The following KHDRBS3 variants were observed in gnomAD, a reference collection of about 807,000 sequenced individuals.
KHDRBS3 encodes the protein KH domain-containing, RNA-binding, signal transduction-associated protein 3.
KHDRBS3 carries 23 observed loss-of-function variants against 45.6 expected under a neutral mutation model. That is an observed-to-expected ratio of 0.50 (90% CI 0.36 to 0.72). KHDRBS3 has a LOEUF of 0.72. KHDRBS3 is among the 30% of genes least tolerant of loss of function. The probability of loss-of-function intolerance (pLI) is 0.00; values close to 1 mark genes in which losing one functional copy is unlikely to be tolerated. For synonymous variants in KHDRBS3, 162 were observed against 156.5 expected (o/e 1.04, Z -0.26); for missense variants, 352 against 424.8 (o/e 0.83, Z 1.51).
intron 1 of KHDRBS3, among the ~76,000 whole-genome samples, chr8:135,482,767 C>T (rs1217964029): frequency 1.3e-5 from 2 of 152,092 alleles, no homozygotes; most frequent in African/African-American, 4.8e-5. Context: ...GTTAGTCTAC[C>T]TCTGCAGCAC....
intron 2 of KHDRBS3, among the ~76,000 whole-genome samples, chr8:135,524,172 T>G (rs1228768545): frequency 1.3e-5 from 2 of 152,092 alleles, no homozygotes; most frequent in African/African-American, 4.8e-5. Context: ...TGCACCACCA[T>G]GCCTGGCTAA....
chr8:135,589,587 T>G (rs915044769), intron 6 of KHDRBS3, among the ~76,000 whole-genome samples: 6 of 152,220 alleles, frequency 3.9e-5, no homozygotes, highest in African/African-American at 1.4e-4. Context: ...TATTTATAGC[T>G]TTAGATCATG....
At chr8:135,643,923 T>C (rs1239240571) in intron 7 of KHDRBS3, among the ~76,000 whole-genome samples, 1 of 152,256 alleles carries the variant, frequency 6.6e-6, no homozygotes, top group Non-Finnish European at 1.5e-5. Flanking sequence ...CTCCTCAAAC[T>C]GTGACTTCCT....
At chr8:135,590,584 G>A (rs1828701289) in intron 6 of KHDRBS3, among the ~76,000 whole-genome samples, 2 of 152,134 alleles carry the variant, frequency 1.3e-5, no homozygotes, top group Admixed American at 6.5e-5. Flanking sequence ...ATAAAAAATT[G>A]TGTTTTCATC....
At chr8:135,570,415 G>A (rs530141560) in intron 5 of KHDRBS3, among the ~76,000 whole-genome samples, 11 of 152,074 alleles carry the variant, frequency 7.2e-5, no homozygotes, top group Non-Finnish European at 1.5e-4. Flanking sequence ...ATTTTATTAG[G>A]AAAACTGAAT....
chr8:135,496,241 AT>A (rs1410223292), intron 1 of KHDRBS3, among the ~76,000 whole-genome samples: 2 of 149,618 alleles, frequency 1.3e-5, no homozygotes, highest in African/African-American at 2.5e-5. Flanking sequence ...CTTCAGAAGC[AT>A]TTTTTTTTGA....
At chr8:135,580,918 C>A (rs1828175041) in intron 5 of KHDRBS3, among the ~76,000 whole-genome samples, 1 of 152,076 alleles carries the variant, frequency 6.6e-6, no homozygotes, top group African/African-American at 2.4e-5. Flanking sequence ...CGGCCAAAAC[C>A]CTCTTCATTT....
intron 2 of KHDRBS3, among the ~76,000 whole-genome samples, chr8:135,534,080 G>T (rs1001850257): frequency 1.3e-5 from 2 of 151,858 alleles, no homozygotes; most frequent in Non-Finnish European, 2.9e-5. Flanking sequence ...TCTATATCTT[G>T]TACTGTATCC....
chr8:135,586,678 A>T (rs1341940633), intron 6 of KHDRBS3, among the ~76,000 whole-genome samples: 1 of 152,196 alleles, frequency 6.6e-6, no homozygotes, highest in Non-Finnish European at 1.5e-5. Flanking sequence ...TTTCTTTGGA[A>T]CTCAGAAACG....
chr8:135,541,128 A>G (rs1358444684), intron 2 of KHDRBS3: 9 of 152,260 alleles, frequency 5.9e-5, no homozygotes, highest in African/African-American at 2.2e-4. Context: ...ATCAGTAGGT[A>G]TATAGGAAAT....
At chr8:135,492,606 C>T (rs928081437) in intron 1 of KHDRBS3, among the ~76,000 whole-genome samples, 10 of 151,016 alleles carry the variant, frequency 6.6e-5, no homozygotes, top group Non-Finnish European at 1.2e-4. Context: ...ATTGATTGAC[C>T]ATATGTGTGT....
chr8:135,653,569 G>A (rs1430856417), intron 4 of KHDRBS3, among the ~76,000 whole-genome samples: 1 of 152,214 alleles, frequency 6.6e-6, no homozygotes, highest in Non-Finnish European at 1.5e-5. Flanking sequence ...GGCAATGGCA[G>A]TGAGCCATTT....
chr8:135,577,107 GT>G lies in KHDRBS3; in HGVS notation c.612-4761del, dbSNP rs35447347. Among the ~76,000 whole-genome samples the G allele has an allele frequency of 1.9e-3, 285 of 149,416 alleles. 3 individuals are homozygous for G. The highest frequency in any genetic ancestry group is 6.0e-3 in the African/African-American group (246 of 40,792). Reference sequence around the variant, plus strand: ...TCAACTAGAACAGTGCTTATTTACGGTTTTTTTTTTCCCTTTAGTCTAACAG... The same window carrying G: ...TCAACTAGAACAGTGCTTATTTACGGTTTTTTTTTCCCTTTAGTCTAACAG... On this transcript the variant is annotated intron_variant, in intron 5 of 8. Transcript: ENST00000355849.
At chr8:135,618,473 A>G (rs542286110) in intron 7 of KHDRBS3, among the ~76,000 whole-genome samples, 5 of 152,358 alleles carry the variant, frequency 3.3e-5, no homozygotes, top group African/African-American at 7.2e-5. Flanking sequence ...AATGGTTTAC[A>G]TACTAATAAG....
intron 6 of KHDRBS3, among the ~76,000 whole-genome samples, chr8:135,602,438 T>C (rs1454599323): frequency 6.6e-6 from 1 of 152,174 alleles, no homozygotes; most frequent in African/African-American, 2.4e-5. Context: ...TATAAAAATA[T>C]CGAAGTCAAT....
intron 1 of KHDRBS3, among the ~76,000 whole-genome samples, chr8:135,469,535 T>TTTTTTTTTTTA (rs1821897865): frequency 1.1e-5 from 1 of 89,162 alleles, no homozygotes; most frequent in African/African-American, 4.2e-5. Flanking sequence ...TTTTTTTTTT[T>TTTTTTTTTTTA]TTTTTTTTTT....
intron 5 of KHDRBS3, among the ~76,000 whole-genome samples, chr8:135,568,074 C>T (rs1173880091): frequency 6.6e-6 from 1 of 152,192 alleles, no homozygotes; most frequent in African/African-American, 2.4e-5. Context: ...CGGTTACTGC[C>T]TTACTTGCCA....
intron 5 of KHDRBS3, among the ~76,000 whole-genome samples, chr8:135,581,397 A>G (rs1221090147): frequency 6.6e-6 from 1 of 152,216 alleles, no homozygotes; most frequent in Non-Finnish European, 1.5e-5. Flanking sequence ...TTATTCAGGA[A>G]AGTATATTTT....
At chr8:135,529,213 A>C (rs1163082616) in intron 2 of KHDRBS3, among the ~76,000 whole-genome samples, 2 of 152,186 alleles carry the variant, frequency 1.3e-5, no homozygotes, top group Non-Finnish European at 2.9e-5. Context: ...TACATCTTGT[A>C]GTGGGAACTG....
Sources: allele counts gnomAD v4.1 joint callset (sites outside exome capture counted in the v4.1 genomes callset), GRCh38; gene constraint gnomAD v4.1.1; transcripts MANE v1.5; gene names NCBI Gene and HGNC (gene_info 2026-07-23, HGNC 2026-07-21).